Variants in MAP4K5 observed in about 807,000 individuals in gnomAD.
MAP4K5 encodes the protein MAPK/ERK kinase kinase kinase 5.
A neutral mutation model predicts 135.6 loss-of-function variants in MAP4K5; 82 were observed. The ratio of observed to expected loss-of-function variants is 0.60; its 90% CI spans 0.51 to 0.73. MAP4K5 has a LOEUF of 0.73. MAP4K5 is among the 30% of genes least tolerant of loss of function. The probability of loss-of-function intolerance (pLI) is 0.00; values close to 1 mark genes in which losing one functional copy is unlikely to be tolerated. For synonymous variants in MAP4K5, 347 were observed against 335.0 expected (o/e 1.04, Z -0.39); for missense variants, 907 against 1,010.9 (o/e 0.90, Z 1.39).
chr14:50,485,630 T>C lies in MAP4K5; in HGVS notation c.270A>G (p.Leu90=), dbSNP rs755676315. Residue 90 remains leucine (L), a synonymous_variant, in exon 5 of 33, where the codon CTA becomes CTG. Transcript: ENST00000682126. ...YFGSYLSREK[L]WICMEYCGGG... is the part of the protein sequence containing the mutation. ...CACCACAGTATTCCATACAAATCCATAGTTTTTCCCGACTAATACAAAAAA... is the reference window on the plus strand; with the variant it reads ...CACCACAGTATTCCATACAAATCCACAGTTTTTCCCGACTAATACAAAAAA... 7.8e-6 allele frequency: 12 copies of C among 1,545,164 alleles called. No individual in the cohort carries two copies. In the Admixed American group the frequency reaches 1.2e-4, roughly 15 times the overall value.
rs778344169 is a variant in MAP4K5, at chr14:50,462,634, T to A, written c.936+31A>T. 81 of 1,463,956 alleles carry A rather than the reference T, an allele frequency of 5.5e-5. No homozygotes were observed. The East Asian group carries it at 1.8e-3, about 33-fold the overall frequency. The allele number at this position is 1,463,956 out of a possible 1,614,324, so 90.7% of individuals were successfully genotyped here. On this transcript the variant is annotated intron_variant, in intron 13 of 32. Coordinates refer to ENST00000682126, the MANE Select transcript of MAP4K5 (RefSeq NM_006575.6). ...TTTAAGGCCTTATAAAACATTTATT[T>A]TCAACTATGAGACTGCAAACACTTC...
intron 14 of MAP4K5, among the ~76,000 whole-genome samples, chr14:50,451,771 T>C (rs180708027): frequency 9.3e-4 from 142 of 152,162 alleles, no homozygotes; most frequent in South Asian, 2.5e-3. Context: ...ACTATACCAA[T>C]GGTTAAAAAA....
chr14:50,439,544 T>C (rs1233726143), intron 23 of MAP4K5, among the ~76,000 whole-genome samples: 1 of 152,136 alleles, frequency 6.6e-6, no homozygotes, highest in Non-Finnish European at 1.5e-5. Context: ...CTCTGGATAT[T>C]ATCTCATTTA....
At position 50,428,757 on chromosome 14, in the gene MAP4K5, T is replaced by TA. The variant is rs752771860; in HGVS notation, c.2234-4dup. ...TAGATTTACAATTTTCACAAATTCT[T>TA]AAAAAAAAAAAACAAGTCAAGACTG... On this transcript the variant is annotated splice_region_variant and splice_polypyrimidine_tract_variant and intron_variant, in intron 29 of 32. Coordinates refer to ENST00000682126, the MANE Select transcript of MAP4K5 (RefSeq NM_006575.6). 113,005 of 966,592 alleles carry TA rather than the reference T, an allele frequency of 0.12. No individual in the cohort carries two copies. Among genetic ancestry groups the TA allele is most frequent in the South Asian group, 0.16 (7,614 of 47,126 alleles). 59.9% of individuals were successfully genotyped at this position (966,592 alleles called of 1,614,324 possible). A position where few individuals can be genotyped will look rare whatever the true frequency, so the allele number is the denominator to read the frequency against.
intron 2 of MAP4K5, among the ~76,000 whole-genome samples, chr14:50,524,130 T>A (rs1398441393): frequency 6.6e-6 from 1 of 152,230 alleles, no homozygotes; most frequent in East Asian, 1.9e-4. Flanking sequence ...AACTCAGCAA[T>A]CGTCTTAGAC....
Position 50,538,728 on chromosome 14 carries a change from A to G in MAP4K5, c.-94+3771T>C, listed in dbSNP as rs572297371. ...TCCTTTTCTTTGTCTCTGCAGAGCAAGGATAATAATGGCTTTCCACTGTTG... is the reference window on the plus strand; with the variant it reads ...TCCTTTTCTTTGTCTCTGCAGAGCAGGGATAATAATGGCTTTCCACTGTTG... On this transcript the variant is annotated intron_variant, in intron 2 of 8. Transcript: ENST00000555216. 3.9e-5 allele frequency among the ~76,000 whole-genome samples: 6 copies of G among 152,366 alleles called. No individual in the cohort carries two copies. The East Asian group carries it at 1.2e-3, about 29-fold the overall frequency.
At chr14:50,529,935 A>C (rs2038350775) in intron 2 of MAP4K5, among the ~76,000 whole-genome samples, 3 of 152,182 alleles carry the variant, frequency 2.0e-5, no homozygotes, top group Admixed American at 2.0e-4. Context: ...GCCCAGGAGC[A>C]TTTGGGTAAG....
intron 28 of MAP4K5, among the ~76,000 whole-genome samples, chr14:50,429,737 G>A (rs529789454): frequency 6.6e-6 from 1 of 152,218 alleles, no homozygotes; most frequent in South Asian, 2.1e-4. Context: ...AAATTTTCCT[G>A]GTATAGGTAT....
rs758375444 is a variant in MAP4K5, at chr14:50,443,690, G to GA, written c.1479+38dup. 22 of 1,543,678 alleles carry GA rather than the reference G, an allele frequency of 1.4e-5. No homozygotes were observed. The African/African-American group carries it at 1.7e-4, about 12-fold the overall frequency. On this transcript the variant is annotated intron_variant, in intron 20 of 32. Transcript: ENST00000682126. ...CAATATATTGCTGCTTCTAAAGAGA[G>GA]AAAAAACGGCAAATAGTTCACATAA...
In MAP4K5 at chr14:50,532,080, A is replaced by C. The variant is rs1595557838; in HGVS notation, c.-31T>G. 4.4e-6 allele frequency: 6 copies of C among 1,371,692 alleles called. No homozygotes were observed. Among genetic ancestry groups the C allele is most frequent in the Non-Finnish European group, 6.0e-6 (6 of 996,496 alleles). The allele number at this position is 1,371,692 out of a possible 1,614,324, so 85.0% of individuals were successfully genotyped here. ...CTTAGGGCCCGGCCCCCGCCAGCTC[A>C]CCCCGCGGCTCCCGGATTCCCGCTA... is the stretch of plus-strand genomic sequence containing the variant. On this transcript the variant is annotated 5_prime_UTR_variant, in exon 2 of 33. Transcript: ENST00000682126.
intron 13 of MAP4K5, among the ~76,000 whole-genome samples, chr14:50,461,319 G>A (rs1008693891): frequency 1.3e-5 from 2 of 151,966 alleles, no homozygotes; most frequent in African/African-American, 2.4e-5. Flanking sequence ...GTGAGCCACC[G>A]TGTCTGGCAC....
chr14:50,469,442 T>C (rs1158238707), intron 9 of MAP4K5, among the ~76,000 whole-genome samples: 3 of 152,154 alleles, frequency 2.0e-5, no homozygotes, highest in African/African-American at 2.4e-5. Flanking sequence ...AGATTATAAA[T>C]GATCTACTGT....
At chr14:50,524,677 A>G (rs1292198719) in intron 2 of MAP4K5, among the ~76,000 whole-genome samples, 2 of 152,132 alleles carry the variant, frequency 1.3e-5, no homozygotes, top group Admixed American at 1.3e-4. Context: ...GAAGAGAAAG[A>G]GTGTTCTAAA....
At chr14:50,538,255 CCTT>C (rs1230593604) in intron 2 of MAP4K5, among the ~76,000 whole-genome samples, 3 of 152,220 alleles carry the variant, frequency 2.0e-5, no homozygotes, top group Admixed American at 1.3e-4. Flanking sequence ...ACTTGCTCCT[CCTT>C]GCCTTCTGCC....
chr14:50,438,041 A>C (rs772558463), intron 24 of MAP4K5, 33 bp from the exon 25 acceptor site: 3 of 1,131,302 alleles, frequency 2.7e-6, no homozygotes, highest in Admixed American at 1.7e-5. Context: ...CTTTTTGAGA[A>C]TCATTTACAG....
chr14:50,473,388 AGAAAT>A (rs2037012044), intron 9 of MAP4K5, among the ~76,000 whole-genome samples: 1 of 152,176 alleles, frequency 6.6e-6, no homozygotes, highest in Non-Finnish European at 1.5e-5. Flanking sequence ...AGAAAAAAAA[AGAAAT>A]CCGTAACTTC....
intron 30 of MAP4K5, among the ~76,000 whole-genome samples, chr14:50,427,729 A>G (rs2035876983): frequency 6.6e-6 from 1 of 152,202 alleles, no homozygotes; most frequent in Non-Finnish European, 1.5e-5. Flanking sequence ...ATGATCAATG[A>G]GCATGCAAAC....
intron 2 of MAP4K5, chr14:50,542,474 G>T (rs1566706023): frequency 6.6e-6 from 1 of 152,186 alleles, no homozygotes; most frequent in East Asian, 1.9e-4. Context: ...AAAAATAAAA[G>T]AAAATAAAAG....
chr14:50,439,141 C>T (rs2036165977), intron 23 of MAP4K5, among the ~76,000 whole-genome samples: 1 of 151,558 alleles, frequency 6.6e-6, no homozygotes, highest in Non-Finnish European at 1.5e-5. Context: ...CCATTTAACA[C>T]ACAATCAAAT....
Sources: allele counts gnomAD v4.1 joint callset (sites outside exome capture counted in the v4.1 genomes callset), GRCh38; gene constraint gnomAD v4.1.1; transcripts MANE v1.5; gene names NCBI Gene and HGNC (gene_info 2026-07-23, HGNC 2026-07-21).